The following IGBP1C variants were observed in gnomAD, a reference collection of about 807,000 sequenced individuals.
IGBP1C encodes the protein immunoglobulin-binding protein 1 family member C.
chr17:58,667,326 C>T, the IGBP1C span, among the ~76,000 whole-genome samples: 2,232 of 152,288 alleles, frequency 0.015, 46 homozygotes, highest in African/African-American at 0.051. Context: ...ACTTGTTCCT[C>T]AGTTTGTAAA....
the IGBP1C span, among the ~76,000 whole-genome samples, chr17:58,686,761 C>T: frequency 6.6e-6 from 1 of 151,914 alleles, no homozygotes; most frequent in South Asian, 2.1e-4. Flanking sequence ...ATCATAACCA[C>T]CTCTAAAGCT....
the IGBP1C span, among the ~76,000 whole-genome samples, chr17:58,673,281 C>T: frequency 6.6e-6 from 1 of 151,322 alleles, no homozygotes; most frequent in Non-Finnish European, 1.5e-5. Context: ...GAGTTCAAGA[C>T]CAGCCTGGCC....
chr17:58,678,474 AC>A, the IGBP1C span, among the ~76,000 whole-genome samples: 1 of 152,178 alleles, frequency 6.6e-6, no homozygotes, highest in East Asian at 1.9e-4. Context: ...GCACATATAC[AC>A]CACGGAACAC....
At chr17:58,679,846 AT>A in the IGBP1C span, among the ~76,000 whole-genome samples, 1 of 152,140 alleles carries the variant, frequency 6.6e-6, no homozygotes, top group East Asian at 1.9e-4. Context: ...ATATCTGGCT[AT>A]TCAAAATCTT....
the IGBP1C span, among the ~76,000 whole-genome samples, chr17:58,684,389 G>A: frequency 4.0e-5 from 6 of 151,834 alleles, no homozygotes; most frequent in South Asian, 1.2e-3. Context: ...TTGAACACGG[G>A]AGGCGGAGGT....
chr17:58,669,628 G>A, the IGBP1C span, among the ~76,000 whole-genome samples: 1 of 151,324 alleles, frequency 6.6e-6, no homozygotes, highest in East Asian at 1.9e-4. Flanking sequence ...CAGCTACTCA[G>A]GAGGCTGAGG....
At chr17:58,670,674 G>C in the IGBP1C span, among the ~76,000 whole-genome samples, 1 of 147,466 alleles carries the variant, frequency 6.8e-6, no homozygotes, top group East Asian at 2.1e-4. Context: ...TTGAGAGGCT[G>C]AGGCAGGATA....
the IGBP1C span, among the ~76,000 whole-genome samples, chr17:58,670,798 A>G: frequency 3.0e-4 from 45 of 151,240 alleles, no homozygotes; most frequent in Non-Finnish European, 5.5e-4. Context: ...AAAAAAAAAA[A>G]AAGTGACTAT....
chr17:58,679,003 C>T, the IGBP1C span, among the ~76,000 whole-genome samples: 1 of 151,500 alleles, frequency 6.6e-6, no homozygotes, highest in Non-Finnish European at 1.5e-5. Context: ...AAAATACAAA[C>T]ATTAGCAAGG....
chr17:58,671,211 A>G, the IGBP1C span, among the ~76,000 whole-genome samples: 4 of 152,140 alleles, frequency 2.6e-5, no homozygotes, highest in African/African-American at 4.8e-5. Context: ...TATTTCAATT[A>G]TTGTAGTTTC....
chr17:58,683,658 G>A, the IGBP1C span, among the ~76,000 whole-genome samples: 1 of 151,950 alleles, frequency 6.6e-6, no homozygotes, highest in Non-Finnish European at 1.5e-5. Flanking sequence ...AGCTACTCGG[G>A]AGGCTGAGGC....
the IGBP1C span, among the ~76,000 whole-genome samples, chr17:58,670,526 C>A: frequency 6.6e-6 from 1 of 151,758 alleles, no homozygotes; most frequent in East Asian, 1.9e-4. Context: ...GTAATCCCAG[C>A]ACTTTGGGAG....
chr17:58,661,458 G>C, the IGBP1C span: 3 of 786,514 alleles, frequency 3.8e-6, no homozygotes, highest in South Asian at 4.0e-5. Context: ...AGGAGGTCGA[G>C]GCCCTTGAAC....
At chr17:58,687,994 G>T in the IGBP1C span, among the ~76,000 whole-genome samples, 9 of 152,158 alleles carry the variant, frequency 5.9e-5, no homozygotes, top group Non-Finnish European at 1.5e-5. Context: ...TTGTTTTAGT[G>T]ATCTAGTCTT....
the IGBP1C span, chr17:58,661,600 C>G: frequency 1.4e-6 from 1 of 713,842 alleles, no homozygotes; most frequent in Non-Finnish European, 2.6e-6. Context: ...CAGCTGCCAT[C>G]TTGGGAAGGC....
At chr17:58,677,933 C>T in the IGBP1C span, among the ~76,000 whole-genome samples, 7 of 152,284 alleles carry the variant, frequency 4.6e-5, no homozygotes, top group Admixed American at 6.5e-5. Flanking sequence ...AGGCAGATCA[C>T]GAGGTCAGGA....
chr17:58,679,188 G>A, the IGBP1C span, among the ~76,000 whole-genome samples: 2 of 151,974 alleles, frequency 1.3e-5, no homozygotes, highest in African/African-American at 4.8e-5. Context: ...GACTCTGGAG[G>A]TCCACAAAAA....
the IGBP1C span, among the ~76,000 whole-genome samples, chr17:58,686,112 A>T: frequency 6.6e-6 from 1 of 151,502 alleles, no homozygotes; most frequent in South Asian, 2.1e-4. Context: ...GAACTTTGGG[A>T]GGCCGAGGAG....
the IGBP1C span, among the ~76,000 whole-genome samples, chr17:58,688,596 C>G: frequency 6.6e-6 from 1 of 152,092 alleles, no homozygotes; most frequent in Non-Finnish European, 1.5e-5. Context: ...TTAATTTAAT[C>G]TTGACCAAAA....
Sources: allele counts gnomAD v4.1 joint callset (sites outside exome capture counted in the v4.1 genomes callset), GRCh38; gene constraint gnomAD v4.1.1; transcripts MANE v1.5; gene names NCBI Gene and HGNC (gene_info 2026-07-23, HGNC 2026-07-21).